BNC2: variants seen among roughly 807,000 people sequenced by gnomAD.
The protein encoded by BNC2 is basonuclin zinc finger protein 2.
A neutral mutation model predicts 76.3 loss-of-function variants in BNC2; 20 were observed. The ratio of observed to expected loss-of-function variants is 0.26; its 90% confidence interval spans 0.18 to 0.38. BNC2 has a LOEUF of 0.38. Ranked by LOEUF, BNC2 falls within the 10% of genes least tolerant of loss-of-function variation. BNC2 has a pLI of 1.00. For synonymous variants in BNC2, 582 were observed against 514.8 expected (o/e 1.13, Z -1.77); for missense variants, 1,382 against 1,399.8 (o/e 0.99, Z 0.20).
chr9:16,625,732 C>T (rs1820975960), intron 3 of BNC2: 1 of 152,400 alleles, frequency 6.6e-6, no homozygotes, highest in Non-Finnish European at 1.5e-5. Context: ...GCTTCCTCTC[C>T]ACCCTCCCTA....
intron 3 of BNC2, among the ~76,000 whole-genome samples, chr9:16,584,786 G>C (rs1819724824): frequency 6.6e-6 from 1 of 152,222 alleles, no homozygotes; most frequent in South Asian, 2.1e-4. Context: ...ATGTTCATTA[G>C]TTAATGAACT....
At chr9:16,847,401 C>CGGGGGGGGG (rs869051853) in intron 1 of BNC2, among the ~76,000 whole-genome samples, 7 of 10,352 alleles carry the variant, frequency 6.8e-4, no homozygotes, top group East Asian at 3.1e-3. Flanking sequence ...TTTCTCGGGG[C>CGGGGGGGGG]GGGGGGGGGG....
chr9:16,562,264 C>T lies in BNC2; in HGVS notation c.434-9499G>A, dbSNP rs1203853878. On this transcript the variant is annotated intron_variant, in intron 4 of 6. Transcript: ENST00000380672. ...CAATAATGAAAATGGTCTCCCTCCT[C>T]GAACCCCACATATTCAAAGCTAAGA... 3.9e-5 allele frequency among the ~76,000 whole-genome samples: 6 copies of T among 152,280 alleles called. No homozygotes were observed. The East Asian group carries it at 7.7e-4, about 20-fold the overall frequency.
At chr9:16,860,690 T>C (rs193003743) in intron 1 of BNC2, among the ~76,000 whole-genome samples, 11 of 152,264 alleles carry the variant, frequency 7.2e-5, no homozygotes, top group African/African-American at 1.7e-4. Flanking sequence ...ACAACAAAAA[T>C]TGATAAATTA....
At chr9:16,457,422 A>T (rs1821476693) in intron 5 of BNC2, among the ~76,000 whole-genome samples, 1 of 152,184 alleles carries the variant, frequency 6.6e-6, no homozygotes, top group Admixed American at 6.5e-5. Context: ...GACTCACTAC[A>T]GTGATGGGAT....
chr9:16,628,490 T>G (rs1284266357), intron 3 of BNC2, among the ~76,000 whole-genome samples: 2 of 152,134 alleles, frequency 1.3e-5, no homozygotes, highest in East Asian at 3.9e-4. Flanking sequence ...ACATGCATCT[T>G]TTGGGGTTTG....
intron 5 of BNC2, among the ~76,000 whole-genome samples, chr9:16,454,269 G>T (rs940176970): frequency 6.6e-6 from 1 of 152,068 alleles, no homozygotes; most frequent in African/African-American, 2.4e-5. Context: ...GCAGAGCTTG[G>T]ATGGTACTAA....
At chr9:16,854,240 T>A (rs888245866) in intron 1 of BNC2, among the ~76,000 whole-genome samples, 6 of 152,210 alleles carry the variant, frequency 3.9e-5, no homozygotes, top group African/African-American at 1.4e-4. Context: ...AATTAACCAA[T>A]GTGAAATTAA....
chr9:16,516,457 C>T (rs1218804527), intron 5 of BNC2, among the ~76,000 whole-genome samples: 1 of 151,884 alleles, frequency 6.6e-6, no homozygotes, highest in Non-Finnish European at 1.5e-5. Context: ...ACTCATGAGA[C>T]CTTCTATACC....
At chr9:16,617,737 C>T (rs559226090) in intron 3 of BNC2, among the ~76,000 whole-genome samples, 1 of 152,172 alleles carries the variant, frequency 6.6e-6, no homozygotes, top group Non-Finnish European at 1.5e-5. Context: ...ATGTATGCAG[C>T]ATTTATTATG....
chr9:16,840,382 C>T (rs1209492414), intron 1 of BNC2, among the ~76,000 whole-genome samples: 3 of 152,210 alleles, frequency 2.0e-5, no homozygotes, highest in African/African-American at 7.2e-5. Flanking sequence ...CATTTCATAT[C>T]CACGCAGTTA....
chr9:16,532,747 A>G (rs1237054584), intron 5 of BNC2, among the ~76,000 whole-genome samples: 1 of 152,212 alleles, frequency 6.6e-6, no homozygotes, highest in Non-Finnish European at 1.5e-5. Context: ...TTTTACTATT[A>G]TCTGTGCTCT....
intron 4 of BNC2, among the ~76,000 whole-genome samples, chr9:16,553,777 G>C (rs915821795): frequency 1.1e-4 from 16 of 152,148 alleles, no homozygotes; most frequent in African/African-American, 3.9e-4. Context: ...ATCCATATCT[G>C]AGTTACTGCA....
At chr9:16,638,317 G>A (rs1821387959) in intron 3 of BNC2, among the ~76,000 whole-genome samples, 1 of 152,140 alleles carries the variant, frequency 6.6e-6, no homozygotes. Flanking sequence ...CAACAAAGTT[G>A]TTTCTAAATC....
In BNC2 at chr9:16,734,043, T is replaced by C. The variant is rs538126668; in HGVS notation, c.129+4317A>G. Among the ~76,000 whole-genome samples the C allele has an allele frequency of 4.3e-4, 65 of 152,302 alleles. No homozygotes were observed. In the South Asian group the frequency reaches 0.011, roughly 26 times the overall value. On this transcript the variant is annotated intron_variant, in intron 2 of 6. Transcript: ENST00000380672. ...TAAAGTCTGATATTCCTGAAAAATT[T>C]TGGAGAATACTAGTTGGATCCCTGT...
intron 1 of BNC2, among the ~76,000 whole-genome samples, chr9:16,822,196 G>A (rs569031028): frequency 9.9e-5 from 15 of 151,492 alleles, no homozygotes; most frequent in East Asian, 2.0e-4. Flanking sequence ...CCTGGGAGGC[G>A]CAGGCTGCGG....
At chr9:16,653,498 C>G (rs1000783583) in intron 3 of BNC2, among the ~76,000 whole-genome samples, 2 of 152,062 alleles carry the variant, frequency 1.3e-5, no homozygotes, top group Non-Finnish European at 2.9e-5. Context: ...AAGACACACA[C>G]AAAAAAGCAC....
chr9:16,547,273 G>A (rs1419487856), intron 5 of BNC2, among the ~76,000 whole-genome samples: 1 of 152,236 alleles, frequency 6.6e-6, no homozygotes, highest in African/African-American at 2.4e-5. Flanking sequence ...TAGAAGGCAT[G>A]GGAGCCTTTA....
chr9:16,785,628 C>T (rs1826269591), intron 1 of BNC2, among the ~76,000 whole-genome samples: 1 of 149,206 alleles, frequency 6.7e-6, no homozygotes, highest in Admixed American at 6.7e-5. Context: ...AAACTCCTGA[C>T]CTCAGGTGAT....
Sources: allele counts gnomAD v4.1 joint callset (sites outside exome capture counted in the v4.1 genomes callset), GRCh38; gene constraint gnomAD v4.1.1; transcripts MANE v1.5; gene names NCBI Gene and HGNC (gene_info 2026-07-23, HGNC 2026-07-21).